Variants in RFC1 observed in about 807,000 individuals in gnomAD.
RFC1 encodes replication factor C subunit 1.
In RFC1, 37 loss-of-function variants were observed where a neutral mutation model predicts 137.4. The ratio of observed to expected loss-of-function variants is 0.27; its 90% confidence interval spans 0.21 to 0.35. The LOEUF is 0.35. Among genes scored for constraint, RFC1 ranks in the 10% least tolerant of loss-of-function variants. RFC1 has a pLI of 1.00. For synonymous variants in RFC1, 429 were observed against 455.7 expected, an observed-to-expected ratio of 0.94 and a Z score of 0.75; for missense variants, 1,205 against 1,358.5, an observed-to-expected ratio of 0.89 and a Z score of 1.78.
intron 2 of RFC1, among the ~76,000 whole-genome samples, chr4:39,349,820 T>C (rs1331115603): frequency 6.6e-6 from 1 of 151,970 alleles, no homozygotes; most frequent in African/African-American, 2.4e-5. Flanking sequence ...GCCTGGCCAA[T>C]ATGGAGAAAC....
chr4:39,343,617 A>G (rs17334749), intron 3 of RFC1, among the ~76,000 whole-genome samples: 2,776 of 152,322 alleles, frequency 0.018, 35 homozygotes, highest in Non-Finnish European at 0.028. Flanking sequence ...ACACTGTAGT[A>G]AACTGTATCA....
chr4:39,351,221 AG>A, intron 2 of RFC1, 126 bp downstream of exon 2: 1 of 569,666 alleles, frequency 1.8e-6, no homozygotes, highest in Non-Finnish European at 2.5e-6. Flanking sequence ...ACTGCACTAC[AG>A]CCTGGGCGAC....
chr4:39,302,234 G>C (rs768506961), intron 19 of RFC1, 44 bp downstream of exon 19: 2 of 1,229,620 alleles, frequency 1.6e-6, no homozygotes, highest in Admixed American at 3.4e-5. Flanking sequence ...AACAAGAAGT[G>C]TTTTGGCTTA....
chr4:39,291,899 C>T (rs1737699992), intron 22 of RFC1, 47 bp from the exon 23 acceptor site: 2 of 1,362,432 alleles, frequency 1.5e-6, no homozygotes. Context: ...AGTATCAACT[C>T]AAGTCATACT....
intron 12 of RFC1, among the ~76,000 whole-genome samples, chr4:39,311,110 C>A (rs1738941398): frequency 1.3e-5 from 2 of 152,002 alleles, no homozygotes; most frequent in Non-Finnish European, 2.9e-5. Flanking sequence ...CACTGCACTC[C>A]GACCTGAGGG....
chr4:39,293,476 A>C (rs1310539416), intron 22 of RFC1, among the ~76,000 whole-genome samples: 1 of 152,124 alleles, frequency 6.6e-6, no homozygotes, highest in South Asian at 2.1e-4. Flanking sequence ...TATGACTCCC[A>C]AAAAGGTTAC....
chr4:39,292,879 A>C (rs1292907217), intron 22 of RFC1, among the ~76,000 whole-genome samples: 1 of 151,972 alleles, frequency 6.6e-6, no homozygotes, highest in Non-Finnish European at 1.5e-5. Context: ...AACTCCTAAC[A>C]GGTGATCCAC....
At chr4:39,357,236 A>T (rs1170954572) in intron 1 of RFC1, among the ~76,000 whole-genome samples, 2 of 152,188 alleles carry the variant, frequency 1.3e-5, no homozygotes, top group Non-Finnish European at 2.9e-5. Context: ...AGTATCTGTT[A>T]AGTCTACCTG....
intron 7 of RFC1, 54 bp from the exon 8 acceptor site, chr4:39,321,428 A>C (rs1022799947): frequency 3.3e-6 from 5 of 1,513,718 alleles, no homozygotes; most frequent in Non-Finnish European, 4.6e-6. Context: ...AACTATTACC[A>C]TAAAATCTGT....
intron 10 of RFC1, among the ~76,000 whole-genome samples, chr4:39,316,516 T>C (rs1739248158): frequency 6.6e-6 from 1 of 152,180 alleles, no homozygotes; most frequent in Non-Finnish European, 1.5e-5. Context: ...ACATTCTACA[T>C]GCCCCACCAA....
chr4:39,320,620 C>T lies in RFC1; in HGVS notation c.858G>A (p.Lys286=), dbSNP rs764810949. The change falls in exon 9 of 25, where the codon AAG becomes AAA. Residue 286 remains lysine (K), a synonymous_variant. Coordinates refer to ENST00000349703, the MANE Select transcript of RFC1 (RefSeq NM_002913.5). The part of the protein sequence containing the change: ...SDERKSYSPR[K]QSKYESSKES... ...CTTTTGAACTTTCATATTTACTTTG[C>T]TTCCTAGGACTGTAGCTCTTTCTTT... 5.4e-5 allele frequency: 87 copies of T among 1,605,508 alleles called. No individual in the cohort carries two copies. Among genetic ancestry groups the T allele is most frequent in the Non-Finnish European group, 6.9e-5 (81 of 1,177,874 alleles).
intron 10 of RFC1, among the ~76,000 whole-genome samples, chr4:39,314,061 A>T (rs751689983): frequency 3.3e-5 from 5 of 152,268 alleles, no homozygotes; most frequent in Non-Finnish European, 5.9e-5. Context: ...AGATTAATAA[A>T]CTTAAAATGG....
rs546134511 is a variant in RFC1 at position 39,292,848 on chromosome 4, A to G, written c.2955-996T>C. 1.6e-4 allele frequency among the ~76,000 whole-genome samples: 24 copies of G among 151,382 alleles called. 1 individual carries two copies. In the South Asian group the frequency reaches 4.4e-3, roughly 28 times the overall value. On this transcript the variant is annotated intron_variant, in intron 22 of 24. Transcript: ENST00000349703. Reference sequence around the variant, plus strand: ...TTTTTAGTAGAGACAGGGTTTCACCATCTTGCCCAGGCTGGTCTCAAACTC... The same window carrying G: ...TTTTTAGTAGAGACAGGGTTTCACCGTCTTGCCCAGGCTGGTCTCAAACTC...
At chr4:39,346,508 A>T (rs1277106383) in intron 2 of RFC1, among the ~76,000 whole-genome samples, 1 of 152,066 alleles carries the variant, frequency 6.6e-6, no homozygotes, top group African/African-American at 2.4e-5. Context: ...AATAAAACCA[A>T]TGCAAAAGGT....
chr4:39,293,987 G>C (rs1160512562), intron 22 of RFC1, among the ~76,000 whole-genome samples: 3 of 152,172 alleles, frequency 2.0e-5, no homozygotes, highest in Admixed American at 6.5e-5. Context: ...AGCATCCTCA[G>C]ACCTTTCTGA....
intron 1 of RFC1, among the ~76,000 whole-genome samples, chr4:39,364,409 T>G (rs567744105): frequency 3.3e-5 from 5 of 152,292 alleles, no homozygotes; most frequent in African/African-American, 1.2e-4. Flanking sequence ...AATACAAAAT[T>G]CTTATCTACC....
At chr4:39,327,481 G>A (rs769213681) in intron 5 of RFC1, 43 bp downstream of exon 5, 21 of 1,224,976 alleles carry the variant, frequency 1.7e-5, no homozygotes, top group Admixed American at 2.3e-5. Flanking sequence ...TTAGTGAATG[G>A]GTATAAATCC....
chr4:39,330,688 T>C (rs1280847985), intron 4 of RFC1, among the ~76,000 whole-genome samples: 2 of 152,192 alleles, frequency 1.3e-5, no homozygotes, highest in Admixed American at 1.3e-4. Flanking sequence ...AATTTCCCCA[T>C]TTTGCTTACA....
In RFC1 at chr4:39,291,641, T is replaced by G. The variant is rs1306234277; in HGVS notation, c.3166A>C (p.Lys1056Gln). The G allele has an allele frequency of 6.2e-7, 1 of 1,608,822 alleles. No homozygotes were observed. Among genetic ancestry groups the G allele is most frequent in the Admixed American group, 1.7e-5 (1 of 60,008 alleles). Residue 1056 changes from lysine (K) to glutamine (Q), a missense_variant and splice_region_variant, in exon 23 of 25, where the codon AAG (lysine) becomes CAG (glutamine). Transcript: ENST00000349703. ...KPSPFSKLDP[K>Q]VKAAFTRAYN... ...AACCAGTGAGTGACATGATTTACCT[T>G]GGGATCCAGCTTTGAAAAGGGACTA...
Sources: allele counts gnomAD v4.1 joint callset (sites outside exome capture counted in the v4.1 genomes callset), GRCh38; gene constraint gnomAD v4.1.1; transcripts MANE v1.5; gene names NCBI Gene and HGNC (gene_info 2026-07-23, HGNC 2026-07-21).